NACC2: variants seen among roughly 807,000 people sequenced by gnomAD.
NACC2 encodes NACC family member 2, also known as nucleus accumbens-associated protein 2.
In NACC2, 8 loss-of-function variants were observed where a neutral mutation model predicts 25.1. That is an observed-to-expected ratio of 0.32 (90% CI 0.19 to 0.57). NACC2 has a LOEUF of 0.57. Ranked by LOEUF, NACC2 falls within the 20% of genes least tolerant of loss-of-function variation. NACC2 has a pLI of 0.89. For missense variants in NACC2, 644 were observed against 650.2 expected, an observed-to-expected ratio of 0.99 and a Z score of 0.10; for synonymous variants, 435 against 294.7, an observed-to-expected ratio of 1.48 and a Z score of -4.88.
At chr9:136,044,924 CGGGG>C (rs1840698086) in intron 2 of NACC2, among the ~76,000 whole-genome samples, 1 of 152,174 alleles carries the variant, frequency 6.6e-6, no homozygotes, top group Non-Finnish European at 1.5e-5. Flanking sequence ...GGGGGATGGA[CGGGG>C]CCAGTGCTGA....
intron 2 of NACC2, among the ~76,000 whole-genome samples, chr9:136,026,165 C>T (rs563127798): frequency 2.6e-5 from 4 of 151,620 alleles, no homozygotes; most frequent in Non-Finnish European, 5.9e-5. Flanking sequence ...CATGGCAAAA[C>T]TCCGTCTCTA....
chr9:136,041,865 A>C (rs1242652200), intron 2 of NACC2, among the ~76,000 whole-genome samples: 1 of 152,242 alleles, frequency 6.6e-6, no homozygotes, highest in East Asian at 1.9e-4. Context: ...CATGGATTAG[A>C]AGCCTCAATA....
intron 1 of NACC2, among the ~76,000 whole-genome samples, chr9:136,087,818 G>A (rs1182762044): frequency 1.3e-5 from 2 of 152,192 alleles, no homozygotes; most frequent in Non-Finnish European, 2.9e-5. Context: ...GATCCCCAAC[G>A]AGGCCCCAAG....
Position 136,050,327 on chromosome 9 carries a change from G to T in NACC2, c.195C>A (p.Ser65Arg). ...FRDLFSGNSK[S>R]AFELPGSVPP... ...GCACGGAGCCGGGCAGCTCGAAGGC[G>T]CTCTTGCTGTTGCCGCTGAACAGGT... Residue 65 changes from serine to arginine, a missense_variant, in exon 2 of 6, where the codon AGC becomes AGA. Physicochemically the swap from Ser to Arg is moderately radical, Grantham distance 110. Coordinates refer to ENST00000277554, the MANE Select transcript of NACC2 (RefSeq NM_144653.5). The T allele has an allele frequency of 1.4e-6, 1 of 740,032 alleles. No homozygotes were observed. Among genetic ancestry groups the T allele is most frequent in the South Asian group, 1.4e-5 (1 of 70,716 alleles). 45.8% of individuals were successfully genotyped at this position (740,032 alleles called of 1,614,324 possible).
chr9:136,007,554 C>CACACGCACAT lies in NACC2; in HGVS notation c.*3961_*3962insATGTGCGTGT, dbSNP rs1554733036. ...AGACGTGCACACACAGACACGCACA[C>CACACGCACAT]ACACACAGACACGCGCACACGCACA... On this transcript the variant is annotated 3_prime_UTR_variant, in exon 6 of 6. Transcript: ENST00000277554. The CACACGCACAT allele has an allele frequency of 6.7e-6, 1 of 150,192 alleles. No homozygotes were observed. The highest frequency in any genetic ancestry group is 1.5e-5 in the Non-Finnish European group (1 of 67,402). The allele number at this position is 150,192 out of a possible 1,614,324, so 9.3% of individuals were successfully genotyped here. A position where few individuals can be genotyped will look rare whatever the true frequency, so the allele number is the denominator to read the frequency against.
chr9:136,041,556 A>T (rs2131154909), intron 2 of NACC2, among the ~76,000 whole-genome samples: 1 of 152,310 alleles, frequency 6.6e-6, no homozygotes, highest in African/African-American at 2.4e-5. Flanking sequence ...CAGAATAGGA[A>T]TCTACACAGA....
Position 136,050,420 on chromosome 9 carries a change from G to A in NACC2, c.102C>T (p.Ile34=), listed in dbSNP as rs1840803979. 5.2e-6 allele frequency: 4 copies of A among 765,762 alleles called. No homozygotes were observed. The highest frequency in any genetic ancestry group is 2.4e-5 in the East Asian group (1 of 41,056). 47.4% of individuals were successfully genotyped at this position (765,762 alleles called of 1,614,324 possible). A position where few individuals can be genotyped will look rare whatever the true frequency, so the allele number is the denominator to read the frequency against. Residue 34 remains isoleucine, a synonymous_variant, in exon 2 of 6, where the codon ATC becomes ATT. Coordinates refer to ENST00000277554, the MANE Select transcript of NACC2 (RefSeq NM_144653.5). ...RLLGLYCDVS[I]VVKGQAFKAH... ...CCTTGAAGGCCTGGCCCTTGACCACGATGGACACATCGCAGTAGAGGCCCA... is the reference window on the plus strand; with the variant it reads ...CCTTGAAGGCCTGGCCCTTGACCACAATGGACACATCGCAGTAGAGGCCCA...
chr9:136,076,318 G>A (rs764915657), intron 1 of NACC2, among the ~76,000 whole-genome samples: 1 of 152,120 alleles, frequency 6.6e-6, no homozygotes, highest in African/African-American at 2.4e-5. Context: ...TAAACACCCA[G>A]TTCCTCAAAT....
At chr9:136,087,553 G>C (rs1007220230) in intron 1 of NACC2, among the ~76,000 whole-genome samples, 129 of 152,352 alleles carry the variant, frequency 8.5e-4, no homozygotes, top group African/African-American at 2.9e-3. Context: ...GGGCCCCGCA[G>C]CTTCTGGGGC....
intron 2 of NACC2, among the ~76,000 whole-genome samples, chr9:136,028,779 C>T (rs1840433391): frequency 6.6e-6 from 1 of 152,218 alleles, no homozygotes; most frequent in Non-Finnish European, 1.5e-5. Flanking sequence ...CTCAGAAGTG[C>T]CTGCTCCTGC....
At position 136,086,358 on chromosome 9, in the gene NACC2, T is replaced by C. The variant is rs1295916665; in HGVS notation, c.-60+8831A>G. Among the ~76,000 whole-genome samples, 1 of 152,088 alleles carries C rather than the reference T, an allele frequency of 6.6e-6. No individual in the cohort carries two copies. The highest frequency in any genetic ancestry group is 1.5e-5 in the Non-Finnish European group (1 of 68,004). On this transcript the variant is annotated intron_variant, in intron 1 of 5. Transcript: ENST00000277554. The surrounding 1 kb of genome is among the most constrained non-coding windows in gnomAD (Gnocchi z 5.6). Reference sequence around the variant, plus strand: ...GGGGTGCCTCTGTTTTCCTGCATCATCAGGAGCCTGGTGAGGCCTAGGGCT... The same window carrying C: ...GGGGTGCCTCTGTTTTCCTGCATCACCAGGAGCCTGGTGAGGCCTAGGGCT...
intron 3 of NACC2, among the ~76,000 whole-genome samples, chr9:136,015,101 C>G (rs1162427521): frequency 6.6e-6 from 1 of 152,178 alleles, no homozygotes; most frequent in East Asian, 1.9e-4. Flanking sequence ...CTGCCAGGGT[C>G]TGGGCTGGAG....
intron 2 of NACC2, among the ~76,000 whole-genome samples, chr9:136,017,037 C>A (rs1840213100): frequency 6.6e-6 from 1 of 152,134 alleles, no homozygotes; most frequent in African/African-American, 2.4e-5. Flanking sequence ...CTCAGTGCAT[C>A]CAAGAACACA....
At chr9:136,017,043 A>G (rs982395796) in intron 2 of NACC2, among the ~76,000 whole-genome samples, 2 of 152,112 alleles carry the variant, frequency 1.3e-5, no homozygotes, top group African/African-American at 4.8e-5. Context: ...GCATCCAAGA[A>G]CACAGCCCTG....
At position 136,020,716 on chromosome 9, in the gene NACC2, G is replaced by A. The variant is rs1840279670; in HGVS notation, c.887-4287C>T. ...TTTTAAGACTTCCTGTACAGCTACA[G>A]TCATGAAGCCTGCATGGTTCAGGGA... On this transcript the variant is annotated intron_variant, in intron 2 of 5. Transcript: ENST00000277554. The surrounding 1 kb of genome is among the most constrained non-coding windows in gnomAD (Gnocchi z 4.7). Among the ~76,000 whole-genome samples, 2 of 152,306 alleles carry A rather than the reference G, an allele frequency of 1.3e-5. No homozygotes were observed. Among genetic ancestry groups the A allele is most frequent in the African/African-American group, 4.8e-5 (2 of 41,556 alleles).
At chr9:136,054,003 A>G (rs929874015) in intron 1 of NACC2, among the ~76,000 whole-genome samples, 20 of 152,314 alleles carry the variant, frequency 1.3e-4, no homozygotes, top group Non-Finnish European at 2.6e-4. Context: ...CACTTCCTGT[A>G]AGGACACCTC....
intron 3 of NACC2, among the ~76,000 whole-genome samples, chr9:136,015,660 T>C (rs1370343342): frequency 2.6e-5 from 4 of 152,148 alleles, no homozygotes; most frequent in African/African-American, 9.7e-5. Flanking sequence ...AGCTTGGGGC[T>C]TCCTGGAAAA....
rs1438024372 is a variant in NACC2 at position 136,013,200 on chromosome 9, T to C, written c.1254A>G (p.Lys418=). 1.3e-6 allele frequency: 1 copy of C among 781,558 alleles called. No individual in the cohort carries two copies. The highest frequency in any genetic ancestry group is 1.9e-5 in the African/African-American group (1 of 53,438). The allele number at this position is 781,558 out of a possible 1,614,324, so 48.4% of individuals were successfully genotyped here. A position where few individuals can be genotyped will look rare whatever the true frequency, so the allele number is the denominator to read the frequency against. Residue 418 remains lysine, a splice_region_variant and synonymous_variant, in exon 5 of 6, where the codon AAA becomes AAG. Transcript: ENST00000277554. The surrounding 1 kb of genome is among the most constrained non-coding windows in gnomAD (Gnocchi z 6.6). ...PLDSRVLNAV[K]LYCQNFAPSF... ...CCCGAGAGACCCCCAGGCTCTTACATTTCACAGCGTTCAGGACCCGGCTGT... is the reference window on the plus strand; with the variant it reads ...CCCGAGAGACCCCCAGGCTCTTACACTTCACAGCGTTCAGGACCCGGCTGT...
At chr9:136,012,840 AC>A (rs1177935552) in intron 5 of NACC2, among the ~76,000 whole-genome samples, 3 of 152,176 alleles carry the variant, frequency 2.0e-5, no homozygotes, top group Admixed American at 2.0e-4. Flanking sequence ...CCGCCCCCAC[AC>A]GCCCAAGAGC....
Sources: allele counts gnomAD v4.1 joint callset (sites outside exome capture counted in the v4.1 genomes callset), GRCh38; gene constraint gnomAD v4.1.1; non-coding constraint Gnocchi (gnomAD v3.1); transcripts MANE v1.5; gene names NCBI Gene and HGNC (gene_info 2026-07-23, HGNC 2026-07-21).